The following APBB2 variants were observed in gnomAD, a reference collection of about 807,000 sequenced individuals.
The protein encoded by APBB2 is amyloid beta precursor protein binding family B member 2.
Under a neutral mutation model 82.5 loss-of-function variants are expected in APBB2, and 38 were observed. The ratio of observed to expected loss-of-function variants is 0.46; its 90% CI spans 0.36 to 0.60. APBB2 has a LOEUF of 0.60. APBB2 is among the 20% of genes least tolerant of loss of function. The pLI is 0.00. For missense variants in APBB2, 772 were observed against 972.3 expected (o/e 0.79, Z 2.74); for synonymous variants, 341 against 368.2 (o/e 0.93, Z 0.85).
At chr4:41,046,056 T>A (rs984553297) in intron 4 of APBB2, among the ~76,000 whole-genome samples, 22 of 152,210 alleles carry the variant, frequency 1.4e-4, no homozygotes, top group Non-Finnish European at 2.5e-4. Flanking sequence ...GCTGGGTATA[T>A]AGATACCATA....
chr4:40,844,851 C>T (rs1757033051), intron 12 of APBB2, among the ~76,000 whole-genome samples: 1 of 152,184 alleles, frequency 6.6e-6, no homozygotes, highest in African/African-American at 2.4e-5. Context: ...CTTTGACTTG[C>T]TTTTAATTAC....
chr4:40,987,474 T>C (rs1217403659), intron 6 of APBB2, among the ~76,000 whole-genome samples: 2 of 152,238 alleles, frequency 1.3e-5, no homozygotes, highest in Non-Finnish European at 2.9e-5. Context: ...AAGTATTGAT[T>C]TGTGCCTAAA....
chr4:40,982,265 A>AGAAAGAAAGAAG (rs1798812861), intron 6 of APBB2, among the ~76,000 whole-genome samples: 1 of 28,684 alleles, frequency 3.5e-5, no homozygotes, highest in African/African-American at 1.4e-4. Context: ...AAAGAAAGAA[A>AGAAAGAAAGAAG]GAAAGAAAGA....
intron 10 of APBB2, among the ~76,000 whole-genome samples, chr4:40,905,573 T>A (rs1299182452): frequency 6.6e-6 from 1 of 152,152 alleles, no homozygotes; most frequent in Non-Finnish European, 1.5e-5. Flanking sequence ...GCCTGCGAAG[T>A]CTATTCCTAA....
chr4:41,104,666 A>G (rs1746566652), intron 2 of APBB2, among the ~76,000 whole-genome samples: 1 of 152,060 alleles, frequency 6.6e-6, no homozygotes, highest in African/African-American at 2.4e-5. Flanking sequence ...TCCTCCCTCA[A>G]GTGGGTCCCA....
intron 10 of APBB2, among the ~76,000 whole-genome samples, chr4:40,921,343 AGGTTCT>A: frequency 6.6e-6 from 1 of 152,214 alleles, no homozygotes; most frequent in Non-Finnish European, 1.5e-5. Context: ...GAAGTTGTTT[AGGTTCT>A]CGGAATCCCA....
intron 2 of APBB2, among the ~76,000 whole-genome samples, chr4:41,139,674 T>C (rs192534647): frequency 2.3e-3 from 344 of 152,312 alleles, no homozygotes; most frequent in African/African-American, 7.9e-3. Flanking sequence ...CTGAAAAGTC[T>C]ATCTATTGTA....
intron 4 of APBB2, among the ~76,000 whole-genome samples, chr4:41,045,038 A>C (rs1722878180): frequency 6.6e-6 from 1 of 151,876 alleles, no homozygotes. Context: ...TTGGATTTTT[A>C]ACTTTTTCCT....
At chr4:40,851,463 A>G (rs1217983284) in intron 12 of APBB2, among the ~76,000 whole-genome samples, 1 of 152,194 alleles carries the variant, frequency 6.6e-6, no homozygotes, top group African/African-American at 2.4e-5. Context: ...CCTCGAAAAC[A>G]GCATTTTCAG....
At chr4:41,030,702 G>T (rs1716411599) in intron 5 of APBB2, among the ~76,000 whole-genome samples, 1 of 151,648 alleles carries the variant, frequency 6.6e-6, no homozygotes, top group African/African-American at 2.4e-5. Flanking sequence ...ATTGGTTTAG[G>T]TGAAAAAAAA....
At position 41,013,792 on chromosome 4, in the gene APBB2, T is replaced by G; in HGVS notation, c.626A>C (p.Gln209Pro). The G allele has an allele frequency of 6.2e-7, 1 of 1,614,250 alleles. No homozygotes were observed. The change falls in exon 6 of 18, where the codon CAG becomes CCG. Residue 209 changes from glutamine (Q) to proline (P), a missense_variant. Gln to Pro is a moderately conservative substitution (Grantham distance 76, BLOSUM62 -1). Coordinates refer to ENST00000508593, the MANE Select transcript of APBB2 (RefSeq NM_004307.2). ...GCTGGACTGGGGTCTGTTTGGTTTC[T>G]GCAGCAGCAAATCGCCATTCCCAAT... ...TIIGNGDLLL[Q>P]KPNRPQSSPE...
chr4:40,933,916 A>G (rs1784804641), intron 10 of APBB2, among the ~76,000 whole-genome samples: 1 of 152,244 alleles, frequency 6.6e-6, no homozygotes, highest in South Asian at 2.1e-4. Flanking sequence ...ACATGCCCAG[A>G]AAGCTGGCTC....
intron 5 of APBB2, among the ~76,000 whole-genome samples, chr4:41,020,493 G>A (rs1034159025): frequency 6.6e-5 from 10 of 152,184 alleles, no homozygotes; most frequent in Non-Finnish European, 1.3e-4. Context: ...TTTGCACTCA[G>A]CCAAACCTTA....
At chr4:41,157,717 G>A (rs750495345) in intron 1 of APBB2, among the ~76,000 whole-genome samples, 1 of 152,150 alleles carries the variant, frequency 6.6e-6, no homozygotes, top group African/African-American at 2.4e-5. Context: ...TCCAGGCCGC[G>A]CAGTGGCTCA....
intron 2 of APBB2, among the ~76,000 whole-genome samples, chr4:41,131,852 C>G (rs888352895): frequency 6.6e-6 from 1 of 151,964 alleles, no homozygotes; most frequent in Non-Finnish European, 1.5e-5. Flanking sequence ...CCAGCCTGGG[C>G]AACATGGCAA....
intron 6 of APBB2, 43 bp downstream of exon 6, chr4:41,013,540 A>C (rs2154429374): frequency 6.4e-7 from 1 of 1,559,146 alleles, no homozygotes; most frequent in East Asian, 2.2e-5. Flanking sequence ...AAAAGATAAA[A>C]AAAAAAAAGT....
chr4:41,012,785 C>T (rs914690633), intron 6 of APBB2, among the ~76,000 whole-genome samples: 1 of 152,142 alleles, frequency 6.6e-6, no homozygotes, highest in Non-Finnish European at 1.5e-5. Context: ...TGCTTGTTTA[C>T]GCTGAATTCA....
chr4:40,867,842 A>C (rs1049897505), intron 12 of APBB2, among the ~76,000 whole-genome samples: 10 of 147,994 alleles, frequency 6.8e-5, no homozygotes, highest in South Asian at 2.1e-4. Flanking sequence ...TGTGGGACCT[A>C]AAGCTTAGAC....
intron 3 of APBB2, 49 bp downstream of exon 3, chr4:41,100,590 T>C (rs1244377750): frequency 1.3e-5 from 2 of 152,186 alleles, no homozygotes; most frequent in East Asian, 3.8e-4. Context: ...GTTAACTTTC[T>C]GAGAGAGGTA....
Sources: gnomAD v4.1 joint callset for allele counts (sites outside exome capture counted in the v4.1 genomes callset) on GRCh38, gnomAD v4.1.1 for gene constraint, MANE v1.5 for transcripts, NCBI Gene and HGNC (gene_info 2026-07-23, HGNC 2026-07-21) for gene names.